SLC38A6: variants seen among roughly 807,000 people sequenced by gnomAD.
The protein encoded by SLC38A6 is solute carrier family 38 member 6.
Under a neutral mutation model 65.0 loss-of-function variants are expected in SLC38A6, and 73 were observed. That is an observed-to-expected ratio of 1.12 (90% CI 0.93 to 1.37). The LOEUF is 1.37. SLC38A6 is among the 40% of genes most tolerant of loss of function. SLC38A6 has a pLI of 0.00. For missense variants in SLC38A6, 561 were observed against 531.1 expected (o/e 1.06, Z -0.55); for synonymous variants, 183 against 178.8 (o/e 1.02, Z -0.19).
At chr14:61,073,666 T>C (rs970778169) in intron 15 of SLC38A6, among the ~76,000 whole-genome samples, 1 of 152,162 alleles carries the variant, frequency 6.6e-6, no homozygotes, top group African/African-American at 2.4e-5. Context: ...TGAATGCAAG[T>C]TGAAATAATA....
chr14:60,988,267 C>T (rs2037600109), intron 3 of SLC38A6, among the ~76,000 whole-genome samples: 1 of 152,178 alleles, frequency 6.6e-6, no homozygotes, highest in Non-Finnish European at 1.5e-5. Flanking sequence ...TCTTCCTCTC[C>T]TTGAACCCCC....
intron 3 of SLC38A6, among the ~76,000 whole-genome samples, chr14:61,003,704 C>G (rs1414421286): frequency 6.6e-6 from 1 of 152,112 alleles, no homozygotes; most frequent in African/African-American, 2.4e-5. Context: ...ATGTGGAGAT[C>G]AAACATTTGG....
In SLC38A6 at chr14:61,015,904, C is replaced by G. The variant is rs970601065; in HGVS notation, c.311C>G (p.Ala104Gly). The G allele has an allele frequency of 6.2e-7, 1 of 1,605,552 alleles. No individual in the cohort carries two copies. The highest frequency in any genetic ancestry group is 1.7e-5 in the Admixed American group (1 of 58,118). ...HLLLSMCIQT[A>G]VTSYEDLGLF... ...TGAACATTGTAATTTCTCTTAACAGCTGTAACATCTTATGAAGATCTTGGA... is the reference window on the plus strand; with the variant it reads ...TGAACATTGTAATTTCTCTTAACAGGTGTAACATCTTATGAAGATCTTGGA... The change falls in exon 4 of 16, where the codon GCT (alanine) becomes GGT (glycine). Residue 104 changes from alanine (A) to glycine (G), a missense_variant and splice_region_variant. Coordinates refer to ENST00000267488, the MANE Select transcript of SLC38A6 (RefSeq NM_153811.3).
chr14:61,063,000 T>G (rs1055653663), intron 15 of SLC38A6, among the ~76,000 whole-genome samples: 2 of 152,208 alleles, frequency 1.3e-5, no homozygotes, highest in Non-Finnish European at 1.5e-5. Flanking sequence ...TTTATATGTG[T>G]TTTGCAAAGA....
At chr14:61,034,702 T>G (rs775388308) in intron 6 of SLC38A6, among the ~76,000 whole-genome samples, 6 of 152,186 alleles carry the variant, frequency 3.9e-5, no homozygotes, top group Non-Finnish European at 8.8e-5. Flanking sequence ...CATTTTTGTA[T>G]TATTGATATG....
chr14:61,054,948 G>C (rs923551041), downstream of SLC38A6, among the ~76,000 whole-genome samples: 1 of 152,048 alleles, frequency 6.6e-6, no homozygotes, highest in African/African-American at 2.4e-5. Context: ...CAGTTTTCAA[G>C]GGAAATGCTT....
chr14:61,012,127 A>G (rs981066049), intron 3 of SLC38A6, among the ~76,000 whole-genome samples: 1 of 152,104 alleles, frequency 6.6e-6, no homozygotes, highest in Non-Finnish European at 1.5e-5. Flanking sequence ...TGTATGTGTC[A>G]AGGAATTTAT....
chr14:61,080,855 C>T (rs771309946), intron 16 of SLC38A6, among the ~76,000 whole-genome samples: 1 of 152,182 alleles, frequency 6.6e-6, no homozygotes, highest in Non-Finnish European at 1.5e-5. Context: ...AGACAGCTCT[C>T]GGCACCTGGT....
intron 15 of SLC38A6, among the ~76,000 whole-genome samples, chr14:61,063,891 CTG>C (rs1257371276): frequency 6.6e-6 from 1 of 152,168 alleles, no homozygotes; most frequent in East Asian, 1.9e-4. Context: ...ATTAAATGCT[CTG>C]TATAAATTAG....
intron 11 of SLC38A6, 24 bp from the exon 12 acceptor site, chr14:61,046,042 TA>T (rs1460101141): frequency 7.0e-7 from 1 of 1,419,394 alleles, no homozygotes; most frequent in Non-Finnish European, 9.9e-7. Flanking sequence ...TCACTTATTC[TA>T]CCTTTGTCAT....
intron 7 of SLC38A6, among the ~76,000 whole-genome samples, chr14:61,037,386 C>T (rs1465508565): frequency 3.9e-5 from 6 of 152,038 alleles, no homozygotes; most frequent in African/African-American, 1.2e-4. Flanking sequence ...ATCTTTACAG[C>T]GGAACATTAA....
At chr14:60,997,516 A>G (rs2038380882) in intron 3 of SLC38A6, among the ~76,000 whole-genome samples, 1 of 152,176 alleles carries the variant, frequency 6.6e-6, no homozygotes, top group South Asian at 2.1e-4. Flanking sequence ...GATTGTGTTC[A>G]GGATGGAAAC....
intron 11 of SLC38A6, 130 bp from the exon 12 acceptor site, chr14:61,045,937 G>A (rs1485685591): frequency 3.6e-6 from 2 of 560,096 alleles, no homozygotes; most frequent in East Asian, 5.9e-5. Flanking sequence ...TTCGAATGAG[G>A]ACTTCTAGTG....
intron 5 of SLC38A6, among the ~76,000 whole-genome samples, chr14:61,028,927 A>G (rs2040772782): frequency 6.6e-6 from 1 of 152,124 alleles, no homozygotes; most frequent in African/African-American, 2.4e-5. Context: ...GTCACATAGC[A>G]TTGTAATCAT....
At chr14:61,011,499 A>G (rs1288736667) in intron 3 of SLC38A6, among the ~76,000 whole-genome samples, 4 of 152,088 alleles carry the variant, frequency 2.6e-5, no homozygotes, top group Non-Finnish European at 5.9e-5. Flanking sequence ...CCCATTCAGT[A>G]TGATATTGGC....
chr14:61,015,903 G>A lies in SLC38A6; in HGVS notation c.311-1G>A. The stretch of plus-strand genomic sequence containing the variant: ...GTGAACATTGTAATTTCTCTTAACA[G>A]CTGTAACATCTTATGAAGATCTTGG... On this transcript the variant is annotated splice_acceptor_variant, in intron 3 of 15. Coordinates refer to ENST00000267488, the MANE Select transcript of SLC38A6 (RefSeq NM_153811.3). LOFTEE classifies it high-confidence loss of function. 2.5e-6 allele frequency: 4 copies of A among 1,603,034 alleles called. No homozygotes were observed. The highest frequency in any genetic ancestry group is 3.4e-6 in the Non-Finnish European group (4 of 1,177,024).
At chr14:61,053,286 T>C (rs1261527825), downstream of SLC38A6, among the ~76,000 whole-genome samples, 1 of 152,174 alleles carries the variant, frequency 6.6e-6, no homozygotes. Context: ...GATGGGTATA[T>C]AGGGTGATTC....
intron 3 of SLC38A6, among the ~76,000 whole-genome samples, chr14:61,001,419 T>C (rs759477173): frequency 5.3e-5 from 8 of 152,354 alleles, no homozygotes; most frequent in East Asian, 1.9e-4. Flanking sequence ...TTTTTTGTTA[T>C]TGAGTTGCAG....
At chr14:60,995,684 C>T (rs1311237039) in intron 3 of SLC38A6, among the ~76,000 whole-genome samples, 3 of 151,980 alleles carry the variant, frequency 2.0e-5, no homozygotes, top group Admixed American at 6.6e-5. Context: ...AGGGTAGATA[C>T]GTTAATTTGC....
Sources: allele counts gnomAD v4.1 joint callset (sites outside exome capture counted in the v4.1 genomes callset), GRCh38; gene constraint gnomAD v4.1.1; transcripts MANE v1.5; gene names NCBI Gene and HGNC (gene_info 2026-07-23, HGNC 2026-07-21).